Variants in DDX60 observed in about 807,000 individuals in gnomAD.
DDX60 encodes probable ATP-dependent RNA helicase DDX60.
In DDX60, 165 loss-of-function variants were observed where a neutral mutation model predicts 212.8. The observed-to-expected ratio is 0.78, with a 90% CI of 0.68 to 0.88. DDX60 has a LOEUF of 0.88. DDX60 is among the 40% of genes least tolerant of loss of function. The pLI, the probability that DDX60 is intolerant of heterozygous loss-of-function variation, is 0.00. For synonymous variants in DDX60, 703 were observed against 685.3 expected, an observed-to-expected ratio of 1.03 and a Z score of -0.40; for missense variants, 1,905 against 2,003.9, an observed-to-expected ratio of 0.95 and a Z score of 0.94.
intron 6 of DDX60, among the ~76,000 whole-genome samples, chr4:168,297,904 A>G (rs1050525340): frequency 5.9e-5 from 9 of 151,612 alleles, no homozygotes; most frequent in African/African-American, 2.2e-4. Context: ...GAAAAATAAT[A>G]AATAATAAAA....
upstream of DDX60, chr4:168,318,899 T>G (rs1273859822): frequency 6.6e-6 from 1 of 152,194 alleles, no homozygotes; most frequent in African/African-American, 2.4e-5. Flanking sequence ...TTCCCTTCAA[T>G]CAGAATCTTA....
At chr4:168,248,124 T>C in intron 29 of DDX60, 64 bp downstream of exon 29, 1 of 1,063,726 alleles carries the variant, frequency 9.4e-7, no homozygotes, top group Non-Finnish European at 1.4e-6. Flanking sequence ...AAGGTTCACA[T>C]GTTTTACTAC....
In DDX60 at chr4:168,216,955, CA is replaced by C; in HGVS notation, c.5116del (p.Trp1706GlyfsTer4). 1 of 1,599,146 alleles carries C rather than the reference CA, an allele frequency of 6.3e-7. No homozygotes were observed. Among genetic ancestry groups the C allele is most frequent in the South Asian group, 1.1e-5 (1 of 87,672 alleles). On this transcript the variant is annotated frameshift_variant, in exon 38 of 38. Transcript: ENST00000393743. LOFTEE classifies it high-confidence loss of function. ...LAFEQLSTTF[W>X]EKLNKV The stretch of plus-strand genomic sequence containing the variant: ...TTTTTAGACTTTGTTTAACTTTTCC[CA>C]AAAAGTTGTACTCAGTTGTTCAAAG...
intron 31 of DDX60, 33 bp downstream of exon 31, chr4:168,237,658 T>C (rs1267348614): frequency 6.4e-7 from 1 of 1,550,638 alleles, no homozygotes; most frequent in South Asian, 1.1e-5. Context: ...GTAGTAATGC[T>C]ATTTCCCAAA....
Position 168,237,712 on chromosome 4 carries a change from A to G in DDX60, c.4248T>C (p.Ser1416=). ...MDMLKLYFLF[S]LQFLVKEGYL... ...ATACCTCTTTCACCAGGAACTGCAA[A>G]GAAAACAGGAAGTAAAGTTTTAACA... Residue 1416 remains serine (S), a synonymous_variant, in exon 31 of 38, where the codon TCT becomes TCC. Coordinates refer to ENST00000393743, the MANE Select transcript of DDX60 (RefSeq NM_017631.6). 1 of 1,611,784 alleles carries G rather than the reference A, an allele frequency of 6.2e-7. No individual in the cohort carries two copies. Among genetic ancestry groups the G allele is most frequent in the Non-Finnish European group, 8.5e-7 (1 of 1,178,896 alleles).
At chr4:168,231,897 C>T (rs778383076) in intron 33 of DDX60, among the ~76,000 whole-genome samples, 3 of 151,940 alleles carry the variant, frequency 2.0e-5, no homozygotes, top group Non-Finnish European at 4.4e-5. Flanking sequence ...TAAAGGACAT[C>T]CATATCAGTA....
intron 33 of DDX60, among the ~76,000 whole-genome samples, chr4:168,233,965 C>T (rs1733544748): frequency 6.6e-6 from 1 of 151,956 alleles, no homozygotes; most frequent in African/African-American, 2.4e-5. Flanking sequence ...TTATGTAACA[C>T]CAAGAGTTTA....
At chr4:168,313,572 A>G (rs1737234433) in intron 1 of DDX60, among the ~76,000 whole-genome samples, 1 of 151,372 alleles carries the variant, frequency 6.6e-6, no homozygotes, top group South Asian at 2.1e-4. Context: ...GCTCAAATGG[A>G]AAAAAATGGG....
chr4:168,288,139 G>A, intron 9 of DDX60, 35 bp downstream of exon 9: 5 of 1,310,226 alleles, frequency 3.8e-6, no homozygotes, highest in Non-Finnish European at 5.2e-6. Context: ...TTTATCTGTG[G>A]ATGGAAGTAT....
intron 1 of DDX60, among the ~76,000 whole-genome samples, chr4:168,312,309 T>A (rs1243929718): frequency 6.6e-6 from 1 of 152,152 alleles, no homozygotes; most frequent in Non-Finnish European, 1.5e-5. Flanking sequence ...AGATTCCCCA[T>A]AAGCCATGAT....
Position 168,232,151 on chromosome 4 carries a change from G to T in DDX60, c.4533+4101C>A, listed in dbSNP as rs74386731. Among the ~76,000 whole-genome samples, 1,025 of 151,898 alleles carry T rather than the reference G, an allele frequency of 6.7e-3. 11 individuals carry two copies. Among genetic ancestry groups the T allele is most frequent in the African/African-American group, 0.023 (970 of 41,480 alleles). ...AGTAAAATAAAATACTTAGAAATATGCCTAACCAGGAGGTGAAAGACCTCT... is the reference window on the plus strand; with the variant it reads ...AGTAAAATAAAATACTTAGAAATATTCCTAACCAGGAGGTGAAAGACCTCT... On this transcript the variant is annotated intron_variant, in intron 33 of 37. Transcript: ENST00000393743.
intron 3 of DDX60, among the ~76,000 whole-genome samples, chr4:168,309,505 C>CT (rs35763559): frequency 6.6e-6 from 1 of 151,020 alleles, no homozygotes; most frequent in Non-Finnish European, 1.5e-5. Context: ...TTGTGAAAGG[C>CT]TTTTTTTTTA....
At chr4:168,290,460 C>T (rs563683242) in intron 8 of DDX60, among the ~76,000 whole-genome samples, 66 of 151,824 alleles carry the variant, frequency 4.3e-4, no homozygotes, top group Non-Finnish European at 7.7e-4. Context: ...TCCCGAGCAG[C>T]TGGGACTACA....
intron 37 of DDX60, among the ~76,000 whole-genome samples, chr4:168,218,533 T>C (rs906155784): frequency 6.6e-6 from 1 of 152,162 alleles, no homozygotes; most frequent in African/African-American, 2.4e-5. Context: ...CCTACATATT[T>C]CTGCCACATA....
chr4:168,268,781 C>T, intron 20 of DDX60, 73 bp downstream of exon 20: 1 of 853,242 alleles, frequency 1.2e-6, no homozygotes, highest in Non-Finnish European at 1.8e-6. Flanking sequence ...TCCTCAGAAT[C>T]CACAGAGAAA....
intron 6 of DDX60, 39 bp downstream of exon 6, chr4:168,302,261 C>T (rs1736677698): frequency 8.9e-7 from 1 of 1,128,676 alleles, no homozygotes; most frequent in African/African-American, 1.6e-5. Flanking sequence ...TAACTAAAAA[C>T]TTAGTTCAAA....
chr4:168,279,092 G>A (rs1025108218), intron 14 of DDX60, among the ~76,000 whole-genome samples: 35 of 152,160 alleles, frequency 2.3e-4, no homozygotes, highest in Admixed American at 2.6e-4. Flanking sequence ...CAATGCTGCA[G>A]TGCATATAAT....
At chr4:168,219,237 G>T (rs1242535929) in intron 37 of DDX60, among the ~76,000 whole-genome samples, 1 of 151,412 alleles carries the variant, frequency 6.6e-6, no homozygotes, top group Non-Finnish European at 1.5e-5. Flanking sequence ...GTTGCAGTGA[G>T]CCGAGATCGC....
chr4:168,275,542 A>G (rs1735297368), intron 15 of DDX60, 39 bp from the exon 16 acceptor site: 2 of 1,507,008 alleles, frequency 1.3e-6, no homozygotes, highest in Admixed American at 1.9e-5. Flanking sequence ...AATGACATTG[A>G]ATTAGAATAT....
Sources: gnomAD v4.1 joint callset for allele counts (sites outside exome capture counted in the v4.1 genomes callset) on GRCh38, gnomAD v4.1.1 for gene constraint, MANE v1.5 for transcripts, NCBI Gene and HGNC (gene_info 2026-07-23, HGNC 2026-07-21) for gene names.